Variants in CCDC178 observed in about 807,000 individuals in gnomAD.
CCDC178 encodes the protein coiled-coil domain containing 178, also known as coiled-coil domain-containing protein 178.
Under a neutral mutation model 117.4 loss-of-function variants are expected in CCDC178, and 126 were observed. The observed-to-expected ratio is 1.07, with a 90% confidence interval of 0.93 to 1.24. The LOEUF (loss-of-function observed/expected upper bound fraction) is 1.24, where lower values mean the gene tolerates loss of function less well. Among genes scored for constraint, CCDC178 ranks in the 50% most tolerant of loss-of-function variants. The pLI is 0.00. For synonymous variants in CCDC178, 283 were observed against 313.4 expected (o/e 0.90, Z 1.02); for missense variants, 1,030 against 986.9 (o/e 1.04, Z -0.59).
At chr18:33,142,046 G>T (rs1249149476) in intron 20 of CCDC178, among the ~76,000 whole-genome samples, 1 of 152,042 alleles carries the variant, frequency 6.6e-6, no homozygotes, top group Non-Finnish European at 1.5e-5. Context: ...ACAAATAAAA[G>T]CCTATTCTTT....
intron 12 of CCDC178, among the ~76,000 whole-genome samples, chr18:33,283,853 C>G (rs983206856): frequency 1.3e-5 from 2 of 152,296 alleles, no homozygotes; most frequent in South Asian, 4.1e-4. Context: ...GTGGTGATTC[C>G]ACAAAGACCT....
chr18:33,188,705 A>T (rs1244153462), intron 20 of CCDC178, among the ~76,000 whole-genome samples: 1 of 152,180 alleles, frequency 6.6e-6, no homozygotes, highest in Non-Finnish European at 1.5e-5. Flanking sequence ...ATGCATTTGG[A>T]GGCAGATTCA....
intron 11 of CCDC178, among the ~76,000 whole-genome samples, chr18:33,316,427 C>T (rs543507610): frequency 3.4e-4 from 52 of 152,216 alleles, no homozygotes; most frequent in Non-Finnish European, 2.4e-4. Flanking sequence ...GGCAGCGCTC[C>T]GGACCTGCAG....
intron 20 of CCDC178, among the ~76,000 whole-genome samples, chr18:33,178,660 G>C (rs2058692001): frequency 6.6e-6 from 1 of 152,028 alleles, no homozygotes; most frequent in African/African-American, 2.4e-5. Flanking sequence ...GGCTGACCTG[G>C]TCTATTCAGA....
chr18:33,219,770 T>A (rs183449101), intron 18 of CCDC178, among the ~76,000 whole-genome samples: 74 of 151,960 alleles, frequency 4.9e-4, no homozygotes, highest in Non-Finnish European at 9.6e-4. Flanking sequence ...CACCGGAGCC[T>A]GTCATGGGGT....
intron 12 of CCDC178, among the ~76,000 whole-genome samples, chr18:33,272,812 T>C (rs1175878826): frequency 6.6e-6 from 1 of 151,498 alleles, no homozygotes; most frequent in Non-Finnish European, 1.5e-5. Context: ...ATTATTTCAA[T>C]GAATGTAGAA....
intron 5 of CCDC178, among the ~76,000 whole-genome samples, chr18:33,377,197 A>C (rs2063377962): frequency 6.6e-6 from 1 of 152,118 alleles, no homozygotes; most frequent in South Asian, 2.1e-4. Flanking sequence ...TTCTCTAATG[A>C]TTAGTGATGT....
chr18:32,966,430 G>C (rs1433045286), intron 22 of CCDC178, among the ~76,000 whole-genome samples: 1 of 151,758 alleles, frequency 6.6e-6, no homozygotes, highest in African/African-American at 2.4e-5. Flanking sequence ...GTATGGCCTG[G>C]AAAACTAAAA....
intron 20 of CCDC178, among the ~76,000 whole-genome samples, chr18:33,196,820 C>A (rs78391290): frequency 0.024 from 3,594 of 152,218 alleles, 57 homozygotes; most frequent in Middle Eastern, 0.038. Context: ...GAGGAACCTG[C>A]TGAAATGGGG....
intron 9 of CCDC178, among the ~76,000 whole-genome samples, chr18:33,340,158 C>T (rs2062797455): frequency 6.6e-6 from 1 of 152,082 alleles, no homozygotes; most frequent in African/African-American, 2.4e-5. Flanking sequence ...AGATAAGAAA[C>T]TTGTTGGGAA....
At chr18:33,298,782 A>G (rs2062139711) in intron 11 of CCDC178, among the ~76,000 whole-genome samples, 2 of 152,210 alleles carry the variant, frequency 1.3e-5, no homozygotes, top group South Asian at 4.1e-4. Context: ...TGAATTCAGT[A>G]AAGTTGCAGG....
chr18:33,173,384 A>G (rs1230057987), intron 20 of CCDC178, among the ~76,000 whole-genome samples: 1 of 151,992 alleles, frequency 6.6e-6, no homozygotes, highest in Non-Finnish European at 1.5e-5. Flanking sequence ...ATTACTTGCT[A>G]TTTTCCTTCT....
At chr18:33,181,850 G>C (rs1019383898) in intron 20 of CCDC178, among the ~76,000 whole-genome samples, 1 of 151,726 alleles carries the variant, frequency 6.6e-6, no homozygotes, top group African/African-American at 2.4e-5. Flanking sequence ...AAATAGGGAA[G>C]TATATGCAAA....
intron 19 of CCDC178, among the ~76,000 whole-genome samples, chr18:33,212,958 G>A (rs907497938): frequency 1.3e-5 from 2 of 151,950 alleles, no homozygotes; most frequent in Non-Finnish European, 2.9e-5. Context: ...ATCCACATTA[G>A]TTAACAAGTC....
intron 20 of CCDC178, among the ~76,000 whole-genome samples, chr18:33,136,731 T>G (rs1366268694): frequency 6.6e-6 from 1 of 152,208 alleles, no homozygotes; most frequent in Admixed American, 6.6e-5. Flanking sequence ...GCTATCCTAT[T>G]TTTTCTGAAA....
intron 4 of CCDC178, among the ~76,000 whole-genome samples, chr18:33,396,271 T>C (rs961122329): frequency 6.6e-6 from 1 of 152,058 alleles, no homozygotes; most frequent in Non-Finnish European, 1.5e-5. Flanking sequence ...AGTATGGGGA[T>C]TGTCAATACT....
chr18:32,938,286 T>C, intron 22 of CCDC178, 195 bp from the exon 23 acceptor site: 4 of 502,856 alleles, frequency 8.0e-6, no homozygotes, highest in Non-Finnish European at 1.1e-5. Context: ...TAGTAAGTTC[T>C]AAAAATTAAA....
chr18:33,174,290 G>A (rs999754499), intron 20 of CCDC178, among the ~76,000 whole-genome samples: 1 of 152,138 alleles, frequency 6.6e-6, no homozygotes, highest in Non-Finnish European at 1.5e-5. Flanking sequence ...CTCCCATCAA[G>A]CCCCACCTTC....
rs1008873459 is a variant in CCDC178 at position 33,261,145 on chromosome 18, A to G, written c.1409+5771T>C. The stretch of plus-strand genomic sequence containing the variant: ...GTCGCCCAGGCTGGAGTGCAGTGGC[A>G]CGAGCTCGGCTCACTGCGAGCTCCG... On this transcript the variant is annotated intron_variant, in intron 14 of 22. Transcript: ENST00000383096. Among the ~76,000 whole-genome samples, 8 of 151,890 alleles carry G rather than the reference A, an allele frequency of 5.3e-5. No homozygotes were observed. In the South Asian group the frequency reaches 6.2e-4, roughly 12 times the overall value.
Sources: gnomAD v4.1 joint callset for allele counts (sites outside exome capture counted in the v4.1 genomes callset) on GRCh38, gnomAD v4.1.1 for gene constraint, MANE v1.5 for transcripts, NCBI Gene and HGNC (gene_info 2026-07-23, HGNC 2026-07-21) for gene names.